Variants in FMNL2 observed in about 807,000 individuals in gnomAD.
FMNL2 encodes formin like 2.
A neutral mutation model predicts 130.2 loss-of-function variants in FMNL2; 51 were observed. The ratio of observed to expected loss-of-function variants is 0.39; its 90% CI spans 0.31 to 0.49. The LOEUF (loss-of-function observed/expected upper bound fraction) is 0.49. FMNL2 is among the 20% of genes least tolerant of loss of function. The pLI is 0.85. For missense variants in FMNL2, 977 were observed against 1,316.2 expected, an observed-to-expected ratio of 0.74 and a Z score of 3.99; for synonymous variants, 465 against 467.1, an observed-to-expected ratio of 1.00 and a Z score of 0.06.
chr2:152,504,279 C>T (rs1161753423), intron 1 of FMNL2, among the ~76,000 whole-genome samples: 19 of 145,466 alleles, frequency 1.3e-4, no homozygotes, highest in African/African-American at 1.8e-4. Flanking sequence ...TTCTTTTCTT[C>T]GAGACGGGGT....
intron 1 of FMNL2, among the ~76,000 whole-genome samples, chr2:152,433,650 A>G (rs1687606288): frequency 6.6e-6 from 1 of 152,148 alleles, no homozygotes. Context: ...GGACAAAGTA[A>G]ATGGGGTGAG....
At chr2:152,470,781 C>T (rs540075497) in intron 1 of FMNL2, among the ~76,000 whole-genome samples, 4 of 152,208 alleles carry the variant, frequency 2.6e-5, no homozygotes, top group South Asian at 2.1e-4. Flanking sequence ...AGGAGTGAAT[C>T]GTATGTTCTG....
chr2:152,608,551 T>A (rs1698512076), intron 10 of FMNL2, among the ~76,000 whole-genome samples: 1 of 148,546 alleles, frequency 6.7e-6, no homozygotes, highest in African/African-American at 2.5e-5. Context: ...TATATATACA[T>A]ATATATGTAT....
chr2:152,611,890 A>G (rs4260194), intron 11 of FMNL2, among the ~76,000 whole-genome samples: 151,988 of 152,314 alleles, frequency 1, 75,831 homozygotes, highest in East Asian at 1. Flanking sequence ...TTTGAGCTTC[A>G]TCTGGGTCAA....
chr2:152,570,111 T>C (rs1448500434), intron 6 of FMNL2, among the ~76,000 whole-genome samples: 1 of 152,212 alleles, frequency 6.6e-6, no homozygotes, highest in Non-Finnish European at 1.5e-5. Flanking sequence ...TTTATTAATA[T>C]TTTATGTACA....
intron 2 of FMNL2, among the ~76,000 whole-genome samples, chr2:152,536,135 C>A (rs1210328345): frequency 1.3e-5 from 2 of 152,218 alleles, no homozygotes; most frequent in African/African-American, 2.4e-5. Flanking sequence ...TCTTGGCAAC[C>A]CTCTCCCCTC....
At chr2:152,523,718 G>A (rs1341810633) in intron 2 of FMNL2, among the ~76,000 whole-genome samples, 1 of 152,044 alleles carries the variant, frequency 6.6e-6, no homozygotes, top group Non-Finnish European at 1.5e-5. Flanking sequence ...TGAAGTGGCC[G>A]TTCATTATTT....
intron 8 of FMNL2, among the ~76,000 whole-genome samples, chr2:152,580,453 AT>A (rs1354868964): frequency 1.3e-5 from 2 of 152,148 alleles, no homozygotes; most frequent in Non-Finnish European, 2.9e-5. Flanking sequence ...AGAAACTTGT[AT>A]TTTCGTGGGA....
intron 1 of FMNL2, among the ~76,000 whole-genome samples, chr2:152,481,494 A>G (rs985047616): frequency 6.6e-6 from 1 of 152,180 alleles, no homozygotes; most frequent in African/African-American, 2.4e-5. Flanking sequence ...GGGGAGCTTT[A>G]AAAAATAGTG....
At chr2:152,589,987 A>ATATGTATGTATGTATATGTATATG (rs70974871) in intron 9 of FMNL2, among the ~76,000 whole-genome samples, 1 of 55,254 alleles carries the variant, frequency 1.8e-5, no homozygotes, top group Non-Finnish European at 3.4e-5. Flanking sequence ...ATATATATGT[A>ATATGTATGTATGTATATGTATATG]TATGTATATG....
intron 1 of FMNL2, among the ~76,000 whole-genome samples, chr2:152,349,546 A>G (rs1401626352): frequency 6.6e-6 from 1 of 152,228 alleles, no homozygotes; most frequent in African/African-American, 2.4e-5. Flanking sequence ...CGTTCTTCAC[A>G]TACCCTCTGT....
intron 25 of FMNL2, among the ~76,000 whole-genome samples, chr2:152,642,474 A>G (rs1683178753): frequency 1.3e-5 from 2 of 152,238 alleles, no homozygotes; most frequent in South Asian, 2.1e-4. Flanking sequence ...TACACATGGC[A>G]CACACACTCT....
chr2:152,593,913 GAGAGA>G, intron 9 of FMNL2, among the ~76,000 whole-genome samples: 1 of 145,344 alleles, frequency 6.9e-6, no homozygotes, highest in South Asian at 2.1e-4. Flanking sequence ...GAGAGAGAGA[GAGAGA>G]GAGAGAGAGC....
chr2:152,396,891 T>C lies in FMNL2; in HGVS notation c.117+61171T>C, dbSNP rs556810632. ...CCCTGCTCTGCTCCTTCACCCCTCA[T>C]CATTATTTTTAAAGCTCTCTAAATG... On this transcript the variant is annotated intron_variant, in intron 1 of 25. Transcript: ENST00000288670. Among the ~76,000 whole-genome samples, 12 of 152,296 alleles carry C rather than the reference T, an allele frequency of 7.9e-5. No homozygotes were observed. In the South Asian group the frequency reaches 2.5e-3, roughly 32 times the overall value.
At chr2:152,592,497 A>G (rs1347044263) in intron 9 of FMNL2, among the ~76,000 whole-genome samples, 1 of 152,226 alleles carries the variant, frequency 6.6e-6, no homozygotes, top group African/African-American at 2.4e-5. Context: ...AAGCATGAGC[A>G]GAGTTCAGAA....
In FMNL2 at chr2:152,631,124, AC is replaced by A. The variant is rs1262430230; in HGVS notation, c.2551-882del. 1.1e-4 allele frequency among the ~76,000 whole-genome samples: 16 copies of A among 152,244 alleles called. No homozygotes were observed. In the South Asian group the frequency reaches 3.3e-3, roughly 32 times the overall value. ...AAATAGGCCAGGCCTGGTGGCTCAC[AC>A]CTGTAATCCCAGCACTTTGGGAGGC... On this transcript the variant is annotated intron_variant, in intron 20 of 25. Transcript: ENST00000288670.
At chr2:152,554,909 G>A (rs1221404304) in intron 4 of FMNL2, among the ~76,000 whole-genome samples, 1 of 152,176 alleles carries the variant, frequency 6.6e-6, no homozygotes, top group Non-Finnish European at 1.5e-5. Flanking sequence ...ACTTGAGCAG[G>A]TAGCAGAAGT....
intron 3 of FMNL2, 143 bp downstream of exon 3, chr2:152,542,962 G>GT: frequency 1.2e-6 from 1 of 817,186 alleles, no homozygotes; most frequent in Non-Finnish European, 1.9e-6. Flanking sequence ...GACCAACAAC[G>GT]TAAGAAGACA....
intron 1 of FMNL2, among the ~76,000 whole-genome samples, chr2:152,520,484 A>G (rs1222135777): frequency 6.6e-6 from 1 of 151,792 alleles, no homozygotes; most frequent in Non-Finnish European, 1.5e-5. Context: ...AATCCCAGCT[A>G]CTTAGGAGGC....
Sources: allele counts gnomAD v4.1 joint callset (sites outside exome capture counted in the v4.1 genomes callset), GRCh38; gene constraint gnomAD v4.1.1; transcripts MANE v1.5; gene names NCBI Gene and HGNC (gene_info 2026-07-23, HGNC 2026-07-21).